The following ADGRD2 variants were observed in gnomAD, a reference collection of about 807,000 sequenced individuals.
The protein encoded by ADGRD2 is G protein-coupled receptor PGR24.
A neutral mutation model predicts 44.4 loss-of-function variants in ADGRD2; 71 were observed. The observed-to-expected ratio is 1.60, with a 90% CI of 1.32 to 1.95. ADGRD2 has a LOEUF of 1.95. ADGRD2 is among the 30% of genes most tolerant of loss of function. The pLI is 0.00. For missense variants in ADGRD2, 1,039 were observed against 512.4 expected (o/e 2.03, Z -9.92); for synonymous variants, 481 against 224.8 (o/e 2.14, Z -10.19).
rs535814335 is a variant in ADGRD2, at chr9:124,476,987, C to A, written c.*18+278C>A. ...AACCTGCCTCCCTCTGTCCTCCCCT[C>A]TCTCTGCCCAGGGGGGCGCTGCCAA... On this transcript the variant is annotated intron_variant, in intron 21 of 21. Transcript: ENST00000334810. The A allele has an allele frequency of 7.8e-3, 5,265 of 674,150 alleles. 38 individuals are homozygous for A. The highest frequency in any genetic ancestry group is 0.011 in the Non-Finnish European group (3,915 of 357,224). 41.8% of individuals were successfully genotyped at this position (674,150 alleles called of 1,614,324 possible).
chr9:124,467,960 G>T (rs1334539388), intron 12 of ADGRD2, 128 bp from the exon 16 acceptor site: 5 of 700,886 alleles, frequency 7.1e-6, no homozygotes, highest in Non-Finnish European at 1.3e-5. Context: ...GGATGTGCTG[G>T]GTCCCCTGTG....
intron 11 of ADGRD2, chr9:124,466,984 C>A (rs1340278438): frequency 6.6e-6 from 1 of 152,562 alleles, no homozygotes; most frequent in Non-Finnish European, 1.5e-5. Flanking sequence ...CTACAAGGAA[C>A]ACCTTGTAGT....
At chr9:124,469,145 C>T in intron 14 of ADGRD2, 77 bp from the exon 18 acceptor site, 1 of 655,056 alleles carries the variant, frequency 1.5e-6, no homozygotes, top group South Asian at 1.7e-5. Flanking sequence ...ACAGCTGCGG[C>T]TTGGGGGGCG....
intron 16 of ADGRD2, among the ~76,000 whole-genome samples, chr9:124,469,997 T>G (rs1831916379): frequency 6.6e-6 from 1 of 152,054 alleles, no homozygotes; most frequent in African/African-American, 2.4e-5. Flanking sequence ...CCCTCTGGGG[T>G]CACACTCTGG....
In ADGRD2 at chr9:124,454,917, G is replaced by A. The variant is rs377400649; in HGVS notation, c.1185G>A (p.Leu395=). The change falls in exon 6 of 22, where the codon CTG becomes CTA. Residue 395 remains leucine, a synonymous_variant. Transcript: ENST00000334810. The surrounding 1 kb of genome is among the most constrained non-coding windows in gnomAD (Gnocchi z 4.5). ...AGGCCTCCAGCTTCCTGGGCCTTCT[G>A]GAGCATGTCCTGGCGATGGAGATGG... 1.7e-5 allele frequency: 12 copies of A among 716,088 alleles called. No homozygotes were observed. The highest frequency in any genetic ancestry group is 3.1e-5 in the Non-Finnish European group (12 of 385,092). The allele number at this position is 716,088 out of a possible 1,614,324, so 44.4% of individuals were successfully genotyped here.
At chr9:124,464,785 T>C (rs1031126330) in intron 10 of ADGRD2, among the ~76,000 whole-genome samples, 7 of 148,400 alleles carry the variant, frequency 4.7e-5, no homozygotes, top group Non-Finnish European at 1.0e-4. Flanking sequence ...CACTGCATGT[T>C]TGCTCCCACA....
At chr9:124,471,617 G>A (rs190038860) in intron 17 of ADGRD2, among the ~76,000 whole-genome samples, 21 of 152,322 alleles carry the variant, frequency 1.4e-4, no homozygotes, top group Middle Eastern at 6.8e-3. Context: ...CAGCAGCAGC[G>A]GGGGCACCAC....
At chr9:124,461,435 G>A (rs769122905) in intron 10 of ADGRD2, among the ~76,000 whole-genome samples, 1 of 152,206 alleles carries the variant, frequency 6.6e-6, no homozygotes, top group Non-Finnish European at 1.5e-5. Flanking sequence ...GGTGTATGAT[G>A]TATTTCAACT....
At chr9:124,470,768 G>A (rs1163972923) in intron 17 of ADGRD2, among the ~76,000 whole-genome samples, 154 bp downstream of exon 20, 1 of 152,258 alleles carries the variant, frequency 6.6e-6, no homozygotes, top group African/African-American at 2.4e-5. Flanking sequence ...GGGTTTTGAG[G>A]GTGGCAGTGG....
At position 124,468,148 on chromosome 9, in the gene ADGRD2, C is replaced by T. The variant is rs778331361; in HGVS notation, c.2193C>T (p.Ala731=). 72 of 718,452 alleles carry T rather than the reference C, an allele frequency of 1.0e-4. 1 individual carries two copies. The highest frequency in any genetic ancestry group is 8.7e-4 in the South Asian group (59 of 67,604). The allele number at this position is 718,452 out of a possible 1,614,324, so 44.5% of individuals were successfully genotyped here. A position where few individuals can be genotyped will look rare whatever the true frequency, so the allele number is the denominator to read the frequency against. The change falls in exon 13 of 22, where the codon GCC becomes GCT. Residue 731 remains alanine, a synonymous_variant. Coordinates refer to ENST00000334810, the Ensembl canonical transcript of ADGRD2. ...ACCTCACCTTCTCCCTGGCCTCTGC[C>T]GAGGGCTTCCTCATGACCAGCGAGT...
intron 17 of ADGRD2, among the ~76,000 whole-genome samples, chr9:124,474,648 G>C (rs1233671684): frequency 6.6e-6 from 1 of 152,204 alleles, no homozygotes; most frequent in African/African-American, 2.4e-5. Flanking sequence ...CTGGGCCGCA[G>C]CACAGAAGCA....
rs1303620792 is a variant in ADGRD2 at position 124,456,570 on chromosome 9, C to T, written c.1394-52C>T. 1.7e-5 allele frequency: 12 copies of T among 714,252 alleles called. 1 individual carries two copies. The highest frequency in any genetic ancestry group is 7.4e-5 in the South Asian group (5 of 67,438). 44.2% of individuals were successfully genotyped at this position (714,252 alleles called of 1,614,324 possible). ...CATTTATCCCAGCGCTCAGGGCAGG[C>T]GGCAGTGGGGTGCAGAGTGTGACAG... On this transcript the variant is annotated intron_variant, in intron 6 of 21. Coordinates refer to ENST00000334810, the Ensembl canonical transcript of ADGRD2.
At chr9:124,467,880 G>A (rs1010322437) in intron 12 of ADGRD2, 56 bp downstream of exon 15, 1 of 715,904 alleles carries the variant, frequency 1.4e-6, no homozygotes, top group Non-Finnish European at 2.6e-6. Flanking sequence ...CCTCGCTCAG[G>A]CCTCCATGTC....
At chr9:124,456,796 T>C in intron 7 of ADGRD2, 63 bp downstream of exon 10, 1 of 699,942 alleles carries the variant, frequency 1.4e-6, no homozygotes. Context: ...CCCTGGTGAC[T>C]GGGAGCTGTC....
At chr9:124,452,329 A>C in intron 1 of ADGRD2, 175 bp downstream of exon 4, 1 of 640,486 alleles carries the variant, frequency 1.6e-6, no homozygotes, top group South Asian at 1.8e-5. Flanking sequence ...CATTCCTGCC[A>C]TTGCGCAGAT....
intron 10 of ADGRD2, among the ~76,000 whole-genome samples, chr9:124,461,150 T>G (rs1306481353): frequency 6.6e-6 from 1 of 152,244 alleles, no homozygotes; most frequent in Non-Finnish European, 1.5e-5. Context: ...AAATTATTTA[T>G]TTTATTATTG....
intron 17 of ADGRD2, among the ~76,000 whole-genome samples, chr9:124,474,547 G>T (rs1167413961): frequency 6.6e-6 from 1 of 152,124 alleles, no homozygotes; most frequent in African/African-American, 2.4e-5. Context: ...TGGACACCAG[G>T]GGGACCAGTC....
Position 124,452,516 on chromosome 9 carries a change from TG to T in ADGRD2, c.77del (p.Ala27ProfsTer6). ...TCTCTCTTATCGTTTTTAGCCCCCG[TG>T]GCCGCCGGCGAGGTGGTGAAGACTG... is the stretch of plus-strand genomic sequence containing the variant. On this transcript the variant is annotated frameshift_variant, in exon 2 of 22. Transcript: ENST00000334810. LOFTEE classifies it high-confidence loss of function. 1.4e-6 allele frequency: 1 copy of T among 718,518 alleles called. No homozygotes were observed. The allele number at this position is 718,518 out of a possible 1,614,324, so 44.5% of individuals were successfully genotyped here.
At chr9:124,456,017 C>A (rs1831609131) in intron 6 of ADGRD2, among the ~76,000 whole-genome samples, 1 of 152,174 alleles carries the variant, frequency 6.6e-6, no homozygotes, top group Non-Finnish European at 1.5e-5. Flanking sequence ...GAATGATTCA[C>A]CATGGGTAGT....
Sources: allele counts gnomAD v4.1 joint callset (sites outside exome capture counted in the v4.1 genomes callset), GRCh38; gene constraint gnomAD v4.1.1; non-coding constraint Gnocchi (gnomAD v3.1); transcripts MANE v1.5; gene names NCBI Gene and HGNC (gene_info 2026-07-23, HGNC 2026-07-21).